The following SH2D4A variants were observed in gnomAD, a reference collection of about 807,000 sequenced individuals.
SH2D4A encodes SH2 domain-containing protein 4A.
In SH2D4A, 70 loss-of-function variants were observed where a neutral mutation model predicts 64.7. The ratio of observed to expected loss-of-function variants is 1.08; its 90% CI spans 0.89 to 1.32. The LOEUF is 1.32. SH2D4A is among the 40% of genes most tolerant of loss of function. The pLI, the probability that SH2D4A is intolerant of heterozygous loss-of-function variation, is 0.00. For missense variants in SH2D4A, 706 were observed against 540.1 expected, an observed-to-expected ratio of 1.31 and a Z score of -3.04; for synonymous variants, 268 against 200.7, an observed-to-expected ratio of 1.34 and a Z score of -2.83.
intron 2 of SH2D4A, among the ~76,000 whole-genome samples, chr8:19,331,614 T>C (rs3824328): frequency 0.34 from 51,635 of 152,092 alleles, 11,074 homozygotes; most frequent in African/African-American, 0.61. Context: ...ACTACCTGGT[T>C]ATATTATCTT....
chr8:19,345,560 G>A (rs2052599804), intron 4 of SH2D4A, among the ~76,000 whole-genome samples: 1 of 152,182 alleles, frequency 6.6e-6, no homozygotes, highest in Admixed American at 6.5e-5. Flanking sequence ...CACAGATGAT[G>A]TATTCTTTGG....
At chr8:19,361,362 T>G in intron 6 of SH2D4A, 48 bp downstream of exon 6, 1 of 1,542,966 alleles carries the variant, frequency 6.5e-7, no homozygotes. Context: ...CTCAGCTGAT[T>G]CTCTCCCTTA....
At chr8:19,352,009 C>T (rs2052713328) in intron 4 of SH2D4A, among the ~76,000 whole-genome samples, 1 of 152,164 alleles carries the variant, frequency 6.6e-6, no homozygotes, top group South Asian at 2.1e-4. Flanking sequence ...TCTTGAACTC[C>T]TGATCTCAGG....
chr8:19,350,343 C>T (rs77537432), intron 4 of SH2D4A, among the ~76,000 whole-genome samples: 5,755 of 152,278 alleles, frequency 0.038, 169 homozygotes, highest in South Asian at 0.1. Flanking sequence ...GTTGTTTGTG[C>T]ATTGCTTAGT....
chr8:19,350,567 T>A (rs1266175748), intron 4 of SH2D4A, among the ~76,000 whole-genome samples: 1 of 152,112 alleles, frequency 6.6e-6, no homozygotes, highest in Non-Finnish European at 1.5e-5. Flanking sequence ...ACTGTAGCCC[T>A]GACCTCCCCA....
chr8:19,364,318 T>C (rs1468996166), intron 7 of SH2D4A, 36 bp downstream of exon 7: 8 of 1,606,320 alleles, frequency 5.0e-6, no homozygotes, highest in Middle Eastern at 3.3e-4. Flanking sequence ...TGCATAAACA[T>C]TGCAATGGGC....
rs76391033 is a variant in SH2D4A, at chr8:19,326,167, C to A, written c.181+6439C>A. Among the ~76,000 whole-genome samples, 814 of 152,328 alleles carry A rather than the reference C, an allele frequency of 5.3e-3. 8 individuals are homozygous for A. The highest frequency in any genetic ancestry group is 0.019 in the African/African-American group (774 of 41,554). ...TCTCAGTGTTTACTAGCTCTGTGAT[C>A]TTGGGCAAGTTATTTAACTTCCTTG... On this transcript the variant is annotated intron_variant, in intron 2 of 9. Coordinates refer to ENST00000265807, the MANE Select transcript of SH2D4A (RefSeq NM_022071.4).
chr8:19,339,808 A>G (rs1415381886), intron 4 of SH2D4A, among the ~76,000 whole-genome samples: 1 of 151,662 alleles, frequency 6.6e-6, no homozygotes, highest in Non-Finnish European at 1.5e-5. Flanking sequence ...GCCCCTATAC[A>G]TTTTTCTTAG....
Position 19,336,136 on chromosome 8 carries a change from C to T in SH2D4A, c.513+1279C>T, listed in dbSNP as rs77995123. Among the ~76,000 whole-genome samples, 18 of 152,292 alleles carry T rather than the reference C, an allele frequency of 1.2e-4. No homozygotes were observed. The East Asian group carries it at 3.3e-3, about 28-fold the overall frequency. On this transcript the variant is annotated intron_variant, in intron 4 of 9. Coordinates refer to ENST00000265807, the MANE Select transcript of SH2D4A (RefSeq NM_022071.4). ...TCCTCACAATAACATGAACTAGAGA[C>T]ATTTGTCCATTTTACAGCTGGGGAA...
intron 4 of SH2D4A, among the ~76,000 whole-genome samples, chr8:19,345,182 A>G (rs2052593477): frequency 1.3e-5 from 2 of 152,322 alleles, no homozygotes; most frequent in Non-Finnish European, 2.9e-5. Flanking sequence ...TGACTAATCA[A>G]TTGCAGCACT....
chr8:19,332,857 A>ATT (rs1416800069), intron 2 of SH2D4A, 98 bp from the exon 3 acceptor site: 4 of 1,125,042 alleles, frequency 3.6e-6, no homozygotes, highest in East Asian at 2.5e-5. Flanking sequence ...ATATATATAT[A>ATT]TTTTCAAAGA....
At chr8:19,335,094 T>C (rs1408101915) in intron 4 of SH2D4A, among the ~76,000 whole-genome samples, 6 of 151,768 alleles carry the variant, frequency 4.0e-5, no homozygotes, top group South Asian at 4.2e-4. Context: ...CCATCCTGGC[T>C]AACACGGTGA....
intron 8 of SH2D4A, among the ~76,000 whole-genome samples, chr8:19,392,121 A>C (rs1183431741): frequency 1.3e-5 from 2 of 152,206 alleles, no homozygotes; most frequent in African/African-American, 4.8e-5. Context: ...GTCAGACCTC[A>C]TGAGTTTGGA....
rs140781177 is a variant in SH2D4A, at chr8:19,385,802, C to T, written c.1049-7516C>T. On this transcript the variant is annotated intron_variant, in intron 8 of 9. Coordinates refer to ENST00000265807, the MANE Select transcript of SH2D4A (RefSeq NM_022071.4). ...AATTTCTTTCTGTCTAAGATCTTAG[C>T]AGACCTGAGTCACTACCCCTAAGTG... Among the ~76,000 whole-genome samples, 832 of 152,264 alleles carry T rather than the reference C, an allele frequency of 5.5e-3. 8 individuals carry two copies. Among genetic ancestry groups the T allele is most frequent in the Admixed American group, 8.3e-3 (127 of 15,298 alleles).
chr8:19,324,784 A>G (rs2052250682), intron 2 of SH2D4A, among the ~76,000 whole-genome samples: 1 of 152,108 alleles, frequency 6.6e-6, no homozygotes, highest in Non-Finnish European at 1.5e-5. Flanking sequence ...AGGAAAATGC[A>G]CAGAGACACC....
At chr8:19,392,394 G>A (rs2053507085) in intron 8 of SH2D4A, among the ~76,000 whole-genome samples, 1 of 152,088 alleles carries the variant, frequency 6.6e-6, no homozygotes, top group African/African-American at 2.4e-5. Context: ...TGCTATCTGG[G>A]GCTGGATAAT....
rs1487441213 is a variant in SH2D4A, at chr8:19,364,197, C to G, written c.832C>G (p.Arg278Gly). 4 of 1,614,058 alleles carry G rather than the reference C, an allele frequency of 2.5e-6. No individual in the cohort carries two copies. The highest frequency in any genetic ancestry group is 2.2e-5 in the East Asian group (1 of 44,886). ...CGGTGAGAGGCTGCAAAGCCCCTTGCGTGTTCCGCAGAAACCAGAAAGACC... is the reference window on the plus strand; with the variant it reads ...CGGTGAGAGGCTGCAAAGCCCCTTGGGTGTTCCGCAGAAACCAGAAAGACC... The part of the protein sequence containing the change: ...RGGERLQSPL[R>G]VPQKPERPPL... Residue 278 changes from arginine to glycine, a missense_variant, in exon 7 of 10, where the codon CGT becomes GGT. Arg to Gly is a moderately radical substitution (Grantham distance 125). Coordinates refer to ENST00000265807, the MANE Select transcript of SH2D4A (RefSeq NM_022071.4).
At chr8:19,394,217 AGCAGATGTAAAT>A (rs2153652857) in intron 9 of SH2D4A, among the ~76,000 whole-genome samples, 1 of 152,266 alleles carries the variant, frequency 6.6e-6, no homozygotes, top group Non-Finnish European at 1.5e-5. Context: ...AATGACAGGG[AGCAGATGTAAAT>A]ACAGATGAAG....
chr8:19,335,260 C>T (rs1585155083), intron 4 of SH2D4A, among the ~76,000 whole-genome samples: 1 of 151,822 alleles, frequency 6.6e-6, no homozygotes, highest in East Asian at 1.9e-4. Context: ...TGCACTCCAG[C>T]ACTCCAGCCT....
Sources: gnomAD v4.1 joint callset for allele counts (sites outside exome capture counted in the v4.1 genomes callset) on GRCh38, gnomAD v4.1.1 for gene constraint, MANE v1.5 for transcripts, NCBI Gene and HGNC (gene_info 2026-07-23, HGNC 2026-07-21) for gene names.